Variants in NOS1AP observed in about 807,000 individuals in gnomAD.
NOS1AP encodes carboxyl-terminal PDZ ligand of neuronal nitric oxide synthase protein.
NOS1AP carries 21 observed loss-of-function variants against 56.2 expected under a neutral mutation model. That is an observed-to-expected ratio of 0.37 (90% CI 0.26 to 0.54). NOS1AP has a LOEUF of 0.54. NOS1AP is among the 20% of genes least tolerant of loss of function. The pLI is 0.84. For synonymous variants in NOS1AP, 270 were observed against 274.6 expected (o/e 0.98, Z 0.17); for missense variants, 522 against 657.8 (o/e 0.79, Z 2.26).
intron 6 of NOS1AP, among the ~76,000 whole-genome samples, chr1:162,348,947 A>G (rs972563329): frequency 6.6e-6 from 1 of 152,228 alleles, no homozygotes; most frequent in Non-Finnish European, 1.5e-5. Context: ...GCACTTTGGG[A>G]GGCCAAGGCG....
intron 2 of NOS1AP, among the ~76,000 whole-genome samples, chr1:162,257,079 A>G (rs1654053847): frequency 6.6e-6 from 1 of 152,180 alleles, no homozygotes; most frequent in South Asian, 2.1e-4. Flanking sequence ...TGGAGGGGAG[A>G]TAAAAGAATA....
At chr1:162,074,348 C>T (rs1038561556) in intron 1 of NOS1AP, among the ~76,000 whole-genome samples, 2 of 152,174 alleles carry the variant, frequency 1.3e-5, no homozygotes, top group Admixed American at 1.3e-4. Context: ...CTCACTCAAA[C>T]CTGAAGTATT....
At chr1:162,157,559 G>A (rs1429724271) in intron 2 of NOS1AP, among the ~76,000 whole-genome samples, 2 of 152,228 alleles carry the variant, frequency 1.3e-5, no homozygotes, top group Non-Finnish European at 2.9e-5. Context: ...GTTGCTGGGT[G>A]TTCTGATGGG....
chr1:162,205,225 G>A (rs770824660), intron 2 of NOS1AP, among the ~76,000 whole-genome samples: 21 of 152,214 alleles, frequency 1.4e-4, no homozygotes, highest in Admixed American at 3.9e-4. Context: ...ATTACTGTGC[G>A]TCAGGCATGT....
chr1:162,209,541 G>A (rs571780600), intron 2 of NOS1AP, among the ~76,000 whole-genome samples: 74 of 152,220 alleles, frequency 4.9e-4, no homozygotes, highest in Non-Finnish European at 9.0e-4. Context: ...TCCTCTCTTT[G>A]TGCCTGGGTT....
At chr1:162,084,946 G>C (rs1486111004) in intron 1 of NOS1AP, among the ~76,000 whole-genome samples, 3 of 152,134 alleles carry the variant, frequency 2.0e-5, no homozygotes, top group Non-Finnish European at 4.4e-5. Context: ...TTACAGATGT[G>C]AGCCTCTGTA....
chr1:162,285,614 A>AG (rs1463518661), intron 2 of NOS1AP, among the ~76,000 whole-genome samples: 1 of 150,682 alleles, frequency 6.6e-6, no homozygotes, highest in African/African-American at 2.4e-5. Flanking sequence ...CAAAAAAAAA[A>AG]TCCTGTCAGA....
chr1:162,313,954 G>A (rs60945240), intron 4 of NOS1AP, among the ~76,000 whole-genome samples: 17,942 of 152,148 alleles, frequency 0.12, 1,499 homozygotes, highest in African/African-American at 0.23. Context: ...CCATGAGGGT[G>A]GGGACCATGC....
intron 2 of NOS1AP, among the ~76,000 whole-genome samples, chr1:162,166,430 C>G (rs1347928666): frequency 6.6e-6 from 1 of 152,220 alleles, no homozygotes; most frequent in Non-Finnish European, 1.5e-5. Context: ...TATTCCTCCT[C>G]TTCCTTCTAC....
chr1:162,367,151 C>G lies in NOS1AP; in HGVS notation c.1205C>G (p.Pro402Arg). Residue 402 changes from proline to arginine, a missense_variant, in exon 10 of 10, where the codon CCG becomes CGG. By Grantham distance (103) the Pro-to-Arg change is moderately radical. Coordinates refer to ENST00000361897, the MANE Select transcript of NOS1AP (RefSeq NM_014697.3). The surrounding 1 kb of genome is among the most constrained non-coding windows in gnomAD (Gnocchi z 6.5). Reference sequence around the variant, plus strand: ...CCTAAGCCAGAGGACCTGCATTCGCCGCCGCTGGGCGCGGGCTTGGCTGAC... The same window carrying G: ...CCTAAGCCAGAGGACCTGCATTCGCGGCCGCTGGGCGCGGGCTTGGCTGAC... ...TTPKPEDLHSPPLGAGLADFA... is the reference protein window; with the variant it reads ...TTPKPEDLHSRPLGAGLADFA... 1 of 1,613,832 alleles carries G rather than the reference C, an allele frequency of 6.2e-7. No individual in the cohort carries two copies. The highest frequency in any genetic ancestry group is 1.3e-5 in the African/African-American group (1 of 75,074).
chr1:162,189,057 G>GAAAA (rs769148700), intron 2 of NOS1AP, among the ~76,000 whole-genome samples: 1 of 151,484 alleles, frequency 6.6e-6, no homozygotes, highest in African/African-American at 2.4e-5. Flanking sequence ...ACTTCATCTT[G>GAAAA]AAAAAATAAA....
chr1:162,074,984 A>ACC, intron 1 of NOS1AP, among the ~76,000 whole-genome samples: 2 of 152,168 alleles, frequency 1.3e-5, no homozygotes, highest in Non-Finnish European at 2.9e-5. Flanking sequence ...CTTCTGCCAC[A>ACC]TCCTGTTGGT....
intron 2 of NOS1AP, among the ~76,000 whole-genome samples, chr1:162,163,320 A>T (rs1300906410): frequency 6.6e-6 from 1 of 152,198 alleles, no homozygotes; most frequent in African/African-American, 2.4e-5. Flanking sequence ...CTGTCTTCTC[A>T]GTCAAAGGAA....
chr1:162,284,762 A>G (rs923798841), intron 2 of NOS1AP, among the ~76,000 whole-genome samples: 1 of 152,240 alleles, frequency 6.6e-6, no homozygotes, highest in Non-Finnish European at 1.5e-5. Flanking sequence ...AGAAATAGAT[A>G]AGGTTTCAGA....
rs1460173852 is a variant in NOS1AP, at chr1:162,261,510, G to GGAGA, written c.178-25834_178-25833insGAGA. Among the ~76,000 whole-genome samples the GGAGA allele has an allele frequency of 5.0e-3, 61 of 12,084 alleles. 13 individuals are homozygous for GGAGA. The highest frequency in any genetic ancestry group is 7.2e-3 in the South Asian group (3 of 418). The allele number at this position is 12,084 out of a possible 152,430, so 7.9% of individuals were successfully genotyped here. ...AGAGAGAGAGAGAGAGAGAGAGAGAGAGAGAGAGAGAGAGAGAGAGAGAGA... is the reference window on the plus strand; with the variant it reads ...AGAGAGAGAGAGAGAGAGAGAGAGAGGAGAAGAGAGAGAGAGAGAGAGAGAGAGA... On this transcript the variant is annotated intron_variant, in intron 2 of 9. Transcript: ENST00000361897.
intron 1 of NOS1AP, among the ~76,000 whole-genome samples, chr1:162,135,732 C>G (rs991559331): frequency 2.6e-5 from 4 of 152,140 alleles, no homozygotes; most frequent in Non-Finnish European, 2.9e-5. Context: ...CCAAAAGTGG[C>G]AAAGAGGCTG....
chr1:162,139,052 A>G (rs1649120339), intron 1 of NOS1AP, among the ~76,000 whole-genome samples: 1 of 152,130 alleles, frequency 6.6e-6, no homozygotes, highest in African/African-American at 2.4e-5. Flanking sequence ...ACCTCATAAT[A>G]GGTAAGCATC....
intron 2 of NOS1AP, among the ~76,000 whole-genome samples, chr1:162,176,590 C>T (rs558795308): frequency 6.4e-5 from 9 of 139,644 alleles, no homozygotes; most frequent in African/African-American, 2.3e-4. Flanking sequence ...CTCACTGCAA[C>T]CTCTGCCTCC....
At chr1:162,326,547 C>T (rs1334467923) in intron 4 of NOS1AP, among the ~76,000 whole-genome samples, 4 of 152,128 alleles carry the variant, frequency 2.6e-5, no homozygotes, top group African/African-American at 4.8e-5. Context: ...GGAATTGGCT[C>T]ACATGATTAT....
Sources: allele counts gnomAD v4.1 joint callset (sites outside exome capture counted in the v4.1 genomes callset), GRCh38; gene constraint gnomAD v4.1.1; non-coding constraint Gnocchi (gnomAD v3.1); transcripts MANE v1.5; gene names NCBI Gene and HGNC (gene_info 2026-07-23, HGNC 2026-07-21).